The following LYPD6B variants were observed in gnomAD, a reference collection of about 807,000 sequenced individuals.
LYPD6B encodes LY6/PLAUR domain containing 6B, also known as ly6/PLAUR domain-containing protein 6B.
LYPD6B carries 17 observed loss-of-function variants against 22.8 expected under a neutral mutation model. The ratio of observed to expected loss-of-function variants is 0.75; its 90% CI spans 0.51 to 1.12. The LOEUF (loss-of-function observed/expected upper bound fraction) is 1.12. Ranked by LOEUF, LYPD6B falls within the 50% of genes most tolerant of loss-of-function variation. The pLI, the probability that LYPD6B is intolerant of heterozygous loss-of-function variation, is 0.00. For missense variants in LYPD6B, 221 were observed against 258.3 expected, an observed-to-expected ratio of 0.86 and a Z score of 0.99; for synonymous variants, 106 against 91.6, an observed-to-expected ratio of 1.16 and a Z score of -0.90.
chr2:149,121,027 A>G (rs1687321727), intron 1 of LYPD6B, among the ~76,000 whole-genome samples: 1 of 151,766 alleles, frequency 6.6e-6, no homozygotes, highest in South Asian at 2.1e-4. Context: ...CCTAACCTCA[A>G]GTGATCCACC....
intron 1 of LYPD6B, among the ~76,000 whole-genome samples, chr2:149,071,395 G>T (rs914815974): frequency 1.3e-5 from 2 of 152,136 alleles, no homozygotes; most frequent in African/African-American, 2.4e-5. Context: ...TTAAATAGAG[G>T]TTCCAAGGGC....
chr2:149,104,121 C>T (rs938107630), intron 1 of LYPD6B, among the ~76,000 whole-genome samples: 45 of 152,038 alleles, frequency 3.0e-4, no homozygotes, highest in Non-Finnish European at 5.9e-4. Context: ...TCCATTGTAT[C>T]GTTATGCCCA....
intron 1 of LYPD6B, among the ~76,000 whole-genome samples, chr2:149,039,009 C>T (rs1409424601): frequency 1.3e-5 from 2 of 151,448 alleles, no homozygotes; most frequent in African/African-American, 4.8e-5. Context: ...CTGGTCGCTG[C>T]CTCGAGGCGA....
intron 1 of LYPD6B, among the ~76,000 whole-genome samples, chr2:149,092,415 G>A (rs1242446379): frequency 6.6e-6 from 1 of 152,156 alleles, no homozygotes; most frequent in Non-Finnish European, 1.5e-5. Context: ...GAAGTGACTA[G>A]GCGATCTTTA....
At chr2:149,204,312 C>T (rs1159584844) in intron 3 of LYPD6B, among the ~76,000 whole-genome samples, 1 of 152,232 alleles carries the variant, frequency 6.6e-6, no homozygotes, top group African/African-American at 2.4e-5. Context: ...GAACCAAAGT[C>T]TTCGGGTTCC....
chr2:149,153,144 G>A (rs987332928), intron 2 of LYPD6B, among the ~76,000 whole-genome samples: 2 of 152,206 alleles, frequency 1.3e-5, no homozygotes, highest in African/African-American at 4.8e-5. Flanking sequence ...GGGCTTTTCT[G>A]TGTAAGATAT....
chr2:149,066,913 A>G (rs1481972426), intron 1 of LYPD6B, among the ~76,000 whole-genome samples: 1 of 152,128 alleles, frequency 6.6e-6, no homozygotes, highest in Non-Finnish European at 1.5e-5. Context: ...TGTCACCCAG[A>G]TAGTGAGGAT....
chr2:149,151,418 G>A (rs34210632), intron 2 of LYPD6B, among the ~76,000 whole-genome samples: 1 of 152,016 alleles, frequency 6.6e-6, no homozygotes, highest in African/African-American at 2.4e-5. Flanking sequence ...TTTGCCTGAT[G>A]CTTTCAAGTC....
chr2:149,082,671 A>C (rs1685190698), intron 1 of LYPD6B, among the ~76,000 whole-genome samples: 1 of 152,208 alleles, frequency 6.6e-6, no homozygotes, highest in Admixed American at 6.5e-5. Flanking sequence ...AATTACGGTA[A>C]ATGTGAGGCA....
intron 3 of LYPD6B, among the ~76,000 whole-genome samples, chr2:149,179,046 C>T (rs190415837): frequency 2.6e-5 from 4 of 152,294 alleles, no homozygotes; most frequent in South Asian, 4.1e-4. Flanking sequence ...AAAGTCGCAG[C>T]GGTACACACT....
intron 2 of LYPD6B, among the ~76,000 whole-genome samples, chr2:149,157,228 A>G (rs1352430309): frequency 6.6e-6 from 1 of 152,144 alleles, no homozygotes; most frequent in Non-Finnish European, 1.5e-5. Context: ...CCTGTTTTAG[A>G]GGCAAAGGAC....
At chr2:149,048,387 C>T (rs1428734853) in intron 1 of LYPD6B, among the ~76,000 whole-genome samples, 1 of 152,162 alleles carries the variant, frequency 6.6e-6, no homozygotes, top group East Asian at 1.9e-4. Context: ...TCTAGTGATG[C>T]CTTGTATTTA....
At position 149,082,485 on chromosome 2, in the gene LYPD6B, A is replaced by C. The variant is rs143824733; in HGVS notation, c.-67+43684A>C. 9.5e-3 allele frequency among the ~76,000 whole-genome samples: 1,452 copies of C among 152,324 alleles called. 11 individuals carry two copies. Among genetic ancestry groups the C allele is most frequent in the Non-Finnish European group, 0.014 (962 of 68,022 alleles). ...ATGGTTTTTAGGAGAGAAATAGAGA[A>C]GTTCTTCCCACCCCCAGTACCAATT... On this transcript the variant is annotated intron_variant, in intron 1 of 6. Transcript: ENST00000409642.
At chr2:149,179,895 C>T (rs911487458) in intron 3 of LYPD6B, among the ~76,000 whole-genome samples, 1 of 152,184 alleles carries the variant, frequency 6.6e-6, no homozygotes, top group Admixed American at 6.5e-5. Context: ...GGAAATCGTT[C>T]AACCTAAGTT....
At chr2:149,077,021 G>A (rs886215849) in intron 1 of LYPD6B, among the ~76,000 whole-genome samples, 4 of 152,128 alleles carry the variant, frequency 2.6e-5, no homozygotes, top group Non-Finnish European at 4.4e-5. Flanking sequence ...TTGTAGCCCC[G>A]CAGCCCCACA....
chr2:149,163,202 T>G (rs1363355735), intron 3 of LYPD6B, among the ~76,000 whole-genome samples: 3 of 152,202 alleles, frequency 2.0e-5, no homozygotes. Flanking sequence ...ACTCTCTTGA[T>G]TCATAACCTG....
At chr2:149,159,589 C>CGTGTGTGTGTGT (rs60129822) in intron 2 of LYPD6B, among the ~76,000 whole-genome samples, 7 of 145,798 alleles carry the variant, frequency 4.8e-5, no homozygotes, top group African/African-American at 1.8e-4. Flanking sequence ...CATATGTGTG[C>CGTGTGTGTGTGT]GTGTGTGTGT....
At chr2:149,091,803 G>C (rs573220215) in intron 1 of LYPD6B, among the ~76,000 whole-genome samples, 9 of 152,274 alleles carry the variant, frequency 5.9e-5, no homozygotes, top group Admixed American at 2.6e-4. Flanking sequence ...ATGTAGAGAA[G>C]TTACAGGCCT....
intron 2 of LYPD6B, among the ~76,000 whole-genome samples, chr2:149,149,741 T>A (rs1689250526): frequency 6.6e-6 from 1 of 152,226 alleles, no homozygotes; most frequent in Non-Finnish European, 1.5e-5. Flanking sequence ...AAGAACATCT[T>A]GAACTTTCCT....
Sources: allele counts gnomAD v4.1 joint callset (sites outside exome capture counted in the v4.1 genomes callset), GRCh38; gene constraint gnomAD v4.1.1; transcripts MANE v1.5; gene names NCBI Gene and HGNC (gene_info 2026-07-23, HGNC 2026-07-21).